The following KANK1 variants were observed in gnomAD, a reference collection of about 807,000 sequenced individuals.
KANK1 encodes the protein KN motif and ankyrin repeat domains 1, also known as KN motif and ankyrin repeat domain-containing protein 1.
KANK1 carries 109 observed loss-of-function variants against 106.2 expected under a neutral mutation model. The ratio of observed to expected loss-of-function variants is 1.03; its 90% CI spans 0.88 to 1.20. The LOEUF is 1.20. KANK1 is among the 50% of genes most tolerant of loss of function. The pLI is 0.00. For synonymous variants in KANK1, 873 were observed against 652.2 expected (o/e 1.34, Z -5.16); for missense variants, 2,399 against 1,710.7 (o/e 1.40, Z -7.10).
At chr9:648,401 T>C (rs916856524) in intron 1 of KANK1, among the ~76,000 whole-genome samples, 1 of 152,216 alleles carries the variant, frequency 6.6e-6, no homozygotes, top group African/African-American at 2.4e-5. Flanking sequence ...CTATGCCGTA[T>C]ATGTATAAGA....
Position 732,557 on chromosome 9 carries a change from G to A in KANK1, c.3185G>A (p.Arg1062Lys), listed in dbSNP as rs772059742. ...AATATTGAAGGTTTGAAGTCTGCCA[G>A]GGTGGAAGATGAAATGCAGGTTCAA... The part of the protein sequence containing the change: ...AVNIEGLKSA[R>K]VEDEMQVQEC... Residue 1062 changes from arginine to lysine, a missense_variant, in exon 6 of 12, where the codon AGG becomes AAG. Arg to Lys is a conservative substitution (Grantham distance 26). Transcript: ENST00000382297. 20 of 1,614,170 alleles carry A rather than the reference G, an allele frequency of 1.2e-5. No homozygotes were observed. The highest frequency in any genetic ancestry group is 1.7e-5 in the Non-Finnish European group (20 of 1,180,036).
chr9:591,570 C>T (rs1380380691), intron 1 of KANK1, among the ~76,000 whole-genome samples: 1 of 151,884 alleles, frequency 6.6e-6, no homozygotes, highest in African/African-American at 2.4e-5. Context: ...CAACCTCCTT[C>T]CTGTCCCTGA....
At chr9:620,733 A>G (rs1208074922) in intron 1 of KANK1, among the ~76,000 whole-genome samples, 2 of 152,174 alleles carry the variant, frequency 1.3e-5, no homozygotes, top group African/African-American at 4.8e-5. Flanking sequence ...CCAACTTTTT[A>G]AATTTTCAAA....
chr9:731,091 A>G, intron 4 of KANK1, 67 bp from the exon 5 acceptor site: 1 of 829,770 alleles, frequency 1.2e-6, no homozygotes. Flanking sequence ...AGAACTGTAC[A>G]GGAAAAAAGA....
intron 2 of KANK1, among the ~76,000 whole-genome samples, chr9:689,139 ATATAT>A (rs1407333938): frequency 6.6e-6 from 1 of 152,120 alleles, no homozygotes; most frequent in Non-Finnish European, 1.5e-5. Flanking sequence ...TTGGATGAAA[ATATAT>A]TATGAGACCA....
chr9:572,763 T>G (rs1819540469), intron 1 of KANK1, among the ~76,000 whole-genome samples: 1 of 152,110 alleles, frequency 6.6e-6, no homozygotes, highest in Non-Finnish European at 1.5e-5. Context: ...ATTTTTTGCA[T>G]CAGAACATGT....
At chr9:710,650 T>A (rs1246898323) in intron 2 of KANK1, among the ~76,000 whole-genome samples, 154 bp from the exon 3 acceptor site, 5 of 145,694 alleles carry the variant, frequency 3.4e-5, no homozygotes, top group South Asian at 2.2e-4. Context: ...CAAAAAAAAC[T>A]TGCTTACCCA....
At chr9:736,527 G>A (rs1833843530) in intron 7 of KANK1, among the ~76,000 whole-genome samples, 1 of 151,912 alleles carries the variant, frequency 6.6e-6, no homozygotes, top group African/African-American at 2.4e-5. Flanking sequence ...GGGCAACATG[G>A]CAAAACCCTG....
At chr9:680,100 G>A (rs926171367) in intron 2 of KANK1, among the ~76,000 whole-genome samples, 2 of 152,190 alleles carry the variant, frequency 1.3e-5, no homozygotes, top group Middle Eastern at 3.2e-3. Flanking sequence ...AGTTTCAGAT[G>A]TGGAGTAAAT....
At chr9:587,018 G>T (rs898635585) in intron 1 of KANK1, among the ~76,000 whole-genome samples, 3 of 152,164 alleles carry the variant, frequency 2.0e-5, no homozygotes, top group Admixed American at 2.0e-4. Flanking sequence ...CTTTCAGAAT[G>T]ATGGTCACTA....
intron 10 of KANK1, 131 bp downstream of exon 10, chr9:742,536 G>T: frequency 1.5e-6 from 1 of 665,292 alleles, no homozygotes; most frequent in Non-Finnish European, 2.5e-6. Context: ...CGCCATCTAG[G>T]TGCCTCCCTT....
chr9:625,457 A>G (rs1834122345), intron 1 of KANK1, among the ~76,000 whole-genome samples: 2 of 152,188 alleles, frequency 1.3e-5, no homozygotes, highest in Non-Finnish European at 2.9e-5. Flanking sequence ...TTGGGCCTCC[A>G]AGATTGCCTA....
chr9:519,792 A>G (rs558541841), intron 1 of KANK1, among the ~76,000 whole-genome samples: 7 of 151,772 alleles, frequency 4.6e-5, no homozygotes, highest in Admixed American at 1.3e-4. Context: ...ATTGTTCTCA[A>G]TAAGGTCTTC....
At chr9:536,091 A>C (rs2060284597) in intron 1 of KANK1, among the ~76,000 whole-genome samples, 2 of 152,130 alleles carry the variant, frequency 1.3e-5, no homozygotes, top group Admixed American at 1.3e-4. Flanking sequence ...TAATCCCAGC[A>C]CTTCAGGAGG....
At chr9:497,426 C>T (rs1473746752) in intron 3 of KANK1, among the ~76,000 whole-genome samples, 1 of 138,726 alleles carries the variant, frequency 7.2e-6, no homozygotes, top group African/African-American at 3.4e-5. Context: ...ATGCATGTGA[C>T]TCTTCACACA....
intron 1 of KANK1, among the ~76,000 whole-genome samples, chr9:583,828 GA>G (rs1355135137): frequency 6.6e-6 from 1 of 151,806 alleles, no homozygotes; most frequent in East Asian, 1.9e-4. Flanking sequence ...GAAAAATAGA[GA>G]ACATGAACAA....
At chr9:506,842 G>C (rs554857624) in intron 1 of KANK1, among the ~76,000 whole-genome samples, 2 of 152,170 alleles carry the variant, frequency 1.3e-5, no homozygotes, top group African/African-American at 4.8e-5. Flanking sequence ...GATAATGGCC[G>C]AAAGGGGCAG....
At chr9:518,824 CCCAAGTCTTGTAGGAAA>C (rs2059416633) in intron 1 of KANK1, among the ~76,000 whole-genome samples, 1 of 151,512 alleles carries the variant, frequency 6.6e-6, no homozygotes, top group South Asian at 2.1e-4. Context: ...GGCTCAGGGA[CCCAAGTCTTGTAGGAAA>C]CCACAACTCC....
At chr9:614,668 C>G (rs1831376642) in intron 1 of KANK1, among the ~76,000 whole-genome samples, 1 of 152,138 alleles carries the variant, frequency 6.6e-6, no homozygotes, top group Admixed American at 6.5e-5. Context: ...GTAACACTCC[C>G]ATGCATTTCC....
Sources: allele counts gnomAD v4.1 joint callset (sites outside exome capture counted in the v4.1 genomes callset), GRCh38; gene constraint gnomAD v4.1.1; transcripts MANE v1.5; gene names NCBI Gene and HGNC (gene_info 2026-07-23, HGNC 2026-07-21).